HIBCH: variants seen among roughly 807,000 people sequenced by gnomAD.
HIBCH encodes the protein 3-hydroxyisobutyryl-CoA hydrolase, also known as 3-hydroxyisobutyryl-CoA hydrolase, mitochondrial.
Under a neutral mutation model 58.2 loss-of-function variants are expected in HIBCH, and 50 were observed. The ratio of observed to expected loss-of-function variants is 0.86; its 90% CI spans 0.68 to 1.09. The LOEUF is 1.09. Ranked by LOEUF, HIBCH falls within the 50% of genes least tolerant of loss-of-function variation. The pLI is 0.00. For synonymous variants in HIBCH, 151 were observed against 146.9 expected (o/e 1.03, Z -0.20); for missense variants, 450 against 449.7 (o/e 1.00, Z -0.01).
downstream of HIBCH, chr2:190,199,679 C>G: frequency 7.1e-7 from 1 of 1,402,188 alleles, no homozygotes; most frequent in Non-Finnish European, 9.3e-7. Flanking sequence ...CAAAATGAAA[C>G]CTACCTTCTC....
At chr2:190,287,347 G>A (rs896215407) in intron 6 of HIBCH, among the ~76,000 whole-genome samples, 7 of 152,008 alleles carry the variant, frequency 4.6e-5, no homozygotes, top group African/African-American at 1.5e-4. Flanking sequence ...CAGACGTGAG[G>A]CACCATGCCC....
At chr2:190,205,810 T>C (rs891889756) in intron 13 of HIBCH, among the ~76,000 whole-genome samples, 6 of 152,168 alleles carry the variant, frequency 3.9e-5, no homozygotes, top group African/African-American at 1.4e-4. Context: ...AGTGTAGTCA[T>C]CACTCATCAT....
intron 6 of HIBCH, among the ~76,000 whole-genome samples, chr2:190,278,951 T>C (rs1687633609): frequency 2.0e-5 from 3 of 152,210 alleles, no homozygotes; most frequent in African/African-American, 7.2e-5. Flanking sequence ...AATGCTGGTG[T>C]CTTAAGTTTT....
chr2:190,237,665 C>T (rs2105926190), intron 11 of HIBCH, among the ~76,000 whole-genome samples: 1 of 152,152 alleles, frequency 6.6e-6, no homozygotes, highest in East Asian at 1.9e-4. Flanking sequence ...AGGTGCCCCA[C>T]ATTTATATAT....
chr2:190,262,163 C>CAAAAAAAAAAAAA (rs982653583), intron 6 of HIBCH, among the ~76,000 whole-genome samples: 5 of 91,912 alleles, frequency 5.4e-5, no homozygotes, highest in African/African-American at 7.8e-5. Flanking sequence ...GCGGTAGAGA[C>CAAAAAAAAAAAAA]AAAAAAAAAA....
In HIBCH at chr2:190,208,768, G is replaced by C. The variant is rs974036443; in HGVS notation, c.1045+112C>G. The stretch of plus-strand genomic sequence containing the variant: ...GGTGCTCAAATAGTTTCAGATTTTG[G>C]TACATTTTGGATTTTAGGATTTGGG... On this transcript the variant is annotated intron_variant, in intron 13 of 13. Coordinates refer to ENST00000359678, the MANE Select transcript of HIBCH (RefSeq NM_014362.4). 93 of 873,734 alleles carry C rather than the reference G, an allele frequency of 1.1e-4. 2 individuals carry two copies. In the South Asian group the frequency reaches 1.3e-3, roughly 12 times the overall value. The allele number at this position is 873,734 out of a possible 1,614,324, so 54.1% of individuals were successfully genotyped here.
intron 1 of HIBCH, among the ~76,000 whole-genome samples, chr2:190,313,907 T>C (rs1240253520): frequency 6.6e-6 from 1 of 152,158 alleles, no homozygotes; most frequent in Non-Finnish European, 1.5e-5. Flanking sequence ...ACTTTTAAAG[T>C]GTGAACTACA....
intron 7 of HIBCH, among the ~76,000 whole-genome samples, chr2:190,258,507 T>C (rs948687858): frequency 2.0e-5 from 3 of 152,252 alleles, no homozygotes; most frequent in African/African-American, 7.2e-5. Context: ...TTTTCTTTGC[T>C]GTGATTCTAG....
chr2:190,297,904 T>G, intron 2 of HIBCH, among the ~76,000 whole-genome samples: 1 of 110,018 alleles, frequency 9.1e-6, no homozygotes, highest in East Asian at 2.8e-4. Context: ...CTCCCTCCCC[T>G]TGCCCCCCAC....
intron 11 of HIBCH, among the ~76,000 whole-genome samples, chr2:190,239,245 G>A (rs1305817548): frequency 2.6e-5 from 4 of 152,092 alleles, no homozygotes; most frequent in Non-Finnish European, 4.4e-5. Context: ...GATTGTTTTT[G>A]TCAGGTTTGT....
At position 190,304,378 on chromosome 2, in the gene HIBCH, C is replaced by T. The variant is rs1688349967; in HGVS notation, c.78+6376G>A. 6.6e-6 allele frequency among the ~76,000 whole-genome samples: 1 copy of T among 151,996 alleles called. No individual in the cohort carries two copies. The highest frequency in any genetic ancestry group is 2.4e-5 in the African/African-American group (1 of 41,376). On this transcript the variant is annotated intron_variant, in intron 2 of 13. Coordinates refer to ENST00000359678, the MANE Select transcript of HIBCH (RefSeq NM_014362.4). This position sits in a 1 kb window ranked among gnomAD's most constrained non-coding sequence, Gnocchi z 4.1. The stretch of plus-strand genomic sequence containing the variant: ...GACTCTGCAGAGACCCAAGGAGGTA[C>T]AGGGCATCATATGTCAAGGAAGCTA...
At chr2:190,261,094 C>T (rs760128270) in intron 7 of HIBCH, 62 bp downstream of exon 7, 1 of 1,237,828 alleles carries the variant, frequency 8.1e-7, no homozygotes, top group Non-Finnish European at 1.2e-6. Context: ...ACAGTAAACT[C>T]TGAAACATAT....
rs201176801 is a variant in HIBCH at position 190,191,172 on chromosome 2, C to CT, written c.*18-1176dup. Among the ~76,000 whole-genome samples, 28 of 152,270 alleles carry CT rather than the reference C, an allele frequency of 1.8e-4. No individual in the cohort carries two copies. In the East Asian group the frequency reaches 4.8e-3, roughly 26 times the overall value. ...TTATTTTTTGAGATGGAGTCTCACT[C>CT]TGTCACCCAGGCTGGAGTGCAGTTG... On this transcript the variant is annotated intron_variant, in intron 1 of 1. Transcript: ENST00000399855.
chr2:190,260,413 T>G (rs1687055345), intron 7 of HIBCH: 1 of 152,162 alleles, frequency 6.6e-6, no homozygotes, highest in South Asian at 2.1e-4. Context: ...AATGAAGAAT[T>G]ATATCTTGCC....
At chr2:190,203,032 G>T (rs955696574), downstream of HIBCH, 1 of 148,498 alleles carries the variant, frequency 6.7e-6, no homozygotes, top group South Asian at 2.3e-4. Flanking sequence ...TAGTCCCAAA[G>T]AAATAATTTG....
chr2:190,269,106 G>GT (rs1687319155), intron 6 of HIBCH, among the ~76,000 whole-genome samples: 1 of 152,072 alleles, frequency 6.6e-6, no homozygotes, highest in Non-Finnish European at 1.5e-5. Context: ...AGACTTAAAC[G>GT]TAAGACCTAA....
intron 6 of HIBCH, among the ~76,000 whole-genome samples, chr2:190,270,019 A>G (rs1687345798): frequency 6.6e-6 from 1 of 152,154 alleles, no homozygotes; most frequent in Non-Finnish European, 1.5e-5. Context: ...CTGAACAATG[A>G]GAACACATGG....
In HIBCH at chr2:190,197,504, T is replaced by A. The variant is rs1006716258; in HGVS notation, c.*18-7507A>T. On this transcript the variant is annotated intron_variant, in intron 1 of 1. Transcript: ENST00000399855. The surrounding 1 kb of genome is among the most constrained non-coding windows in gnomAD (Gnocchi z 4.0). ...TGCAGATTTCTGCCTCTCTTCCCAATCTTGAACTCTATCTTATAAATTCCA... is the reference window on the plus strand; with the variant it reads ...TGCAGATTTCTGCCTCTCTTCCCAAACTTGAACTCTATCTTATAAATTCCA... 6.6e-6 allele frequency among the ~76,000 whole-genome samples: 1 copy of A among 152,198 alleles called. No homozygotes were observed. The highest frequency in any genetic ancestry group is 2.4e-5 in the African/African-American group (1 of 41,458).
chr2:190,285,061 T>C (rs1215921826), intron 6 of HIBCH, among the ~76,000 whole-genome samples: 1 of 152,208 alleles, frequency 6.6e-6, no homozygotes, highest in Non-Finnish European at 1.5e-5. Flanking sequence ...TGTGAGAGTT[T>C]CTCAAGTTTG....
Sources: allele counts gnomAD v4.1 joint callset (sites outside exome capture counted in the v4.1 genomes callset), GRCh38; gene constraint gnomAD v4.1.1; non-coding constraint Gnocchi (gnomAD v3.1); transcripts MANE v1.5; gene names NCBI Gene and HGNC (gene_info 2026-07-23, HGNC 2026-07-21).